CNOT3: variants seen among roughly 807,000 people sequenced by gnomAD.
CNOT3 encodes CCR4-associated factor 3.
A neutral mutation model predicts 89.4 loss-of-function variants in CNOT3; 2 were observed. That is an observed-to-expected ratio of 0.02 (90% confidence interval 0.01 to 0.07). The LOEUF is 0.07. CNOT3 is among the 10% of genes least tolerant of loss of function. The pLI is 1.00. For synonymous variants in CNOT3, 486 were observed against 402.0 expected (o/e 1.21, Z -2.50); for missense variants, 664 against 1,010.2 (o/e 0.66, Z 4.65).
chr19:54,154,271 A>T (rs1568695236), intron 17 of CNOT3: 2 of 333,682 alleles, frequency 6.0e-6, no homozygotes, highest in East Asian at 7.5e-5. Flanking sequence ...TGCGGAAACT[A>T]TTTTTTTTGA....
At chr19:54,147,734 C>T (rs2074761934) in intron 10 of CNOT3, among the ~76,000 whole-genome samples, 6 of 152,220 alleles carry the variant, frequency 3.9e-5, no homozygotes, top group Admixed American at 3.9e-4. Context: ...GAATTACTAT[C>T]CAATTTCCAG....
Position 54,143,531 on chromosome 19 carries a change from G to T in CNOT3, c.168+15G>T, listed in dbSNP as rs1176901659. On this transcript the variant is annotated intron_variant, in intron 4 of 17. Transcript: ENST00000221232. Reference sequence around the variant, plus strand: ...AGAAGCTACAAGTGAGGGGGCTGGGGGCCTGGACGCCTTTGTCCTGAGGGT... The same window carrying T: ...AGAAGCTACAAGTGAGGGGGCTGGGTGCCTGGACGCCTTTGTCCTGAGGGT... 1 of 1,613,636 alleles carries T rather than the reference G, an allele frequency of 6.2e-7. No individual in the cohort carries two copies. Among genetic ancestry groups the T allele is most frequent in the Admixed American group, 1.7e-5 (1 of 60,018 alleles).
Position 54,143,719 on chromosome 19 carries a change from G to A in CNOT3, c.228G>A (p.Gln76=). The A allele has an allele frequency of 6.2e-7, 1 of 1,613,976 alleles. No individual in the cohort carries two copies. Among genetic ancestry groups the A allele is most frequent in the South Asian group, 1.1e-5 (1 of 91,070 alleles). The change falls in exon 5 of 18, where the codon CAG becomes CAA. Residue 76 remains glutamine, a synonymous_variant. Transcript: ENST00000221232. ...VASNEIKDKR[Q]LIDNRKLIET... ...CCAACGAGATCAAGGACAAGAGGCA[G>A]CTTATAGACAACCGCAAGCTCATTG... is the stretch of plus-strand genomic sequence containing the variant.
In CNOT3 at chr19:54,148,225, C is replaced by T. The variant is rs776083392; in HGVS notation, c.972C>T (p.Pro324=). 6 of 1,597,748 alleles carry T rather than the reference C, an allele frequency of 3.8e-6. No homozygotes were observed. The South Asian group carries it at 4.5e-5, about 12-fold the overall frequency. Residue 324 remains proline, a synonymous_variant, in exon 11 of 18, where the codon CCC becomes CCT. Coordinates refer to ENST00000221232, the MANE Select transcript of CNOT3 (RefSeq NM_014516.4). This position sits in a 1 kb window ranked among gnomAD's most constrained non-coding sequence, Gnocchi z 6.3. The part of the protein sequence containing the change: ...PQSPAVPPTY[P]SGPPPAASAL... ...CCCCAGCTGTGCCGCCCACCTACCC[C>T]TCCGGCCCCCCGCCTGCTGCCTCTG...
intron 17 of CNOT3, 107 bp from the exon 18 acceptor site, chr19:54,155,202 G>A (rs2075345940): frequency 3.6e-6 from 5 of 1,397,106 alleles, no homozygotes; most frequent in South Asian, 2.6e-5. Context: ...CTGGCCCGGT[G>A]CCTGACACAT....
rs758176054 is a variant in CNOT3 at position 54,144,993 on chromosome 19, G to A, written c.484-605G>A. ...AGGGGTTTGGGAACCAGGGGCTTTCGGGGAGATGATGGGTCCTTGAACAGA... is the reference window on the plus strand; with the variant it reads ...AGGGGTTTGGGAACCAGGGGCTTTCAGGGAGATGATGGGTCCTTGAACAGA... On this transcript the variant is annotated intron_variant, in intron 7 of 17. Coordinates refer to ENST00000221232, the MANE Select transcript of CNOT3 (RefSeq NM_014516.4). This position sits in a 1 kb window ranked among gnomAD's most constrained non-coding sequence, Gnocchi z 4.8. Among the ~76,000 whole-genome samples, 17 of 152,068 alleles carry A rather than the reference G, an allele frequency of 1.1e-4. No individual in the cohort carries two copies. The highest frequency in any genetic ancestry group is 1.5e-4 in the Non-Finnish European group (10 of 68,006).
intron 13 of CNOT3, among the ~76,000 whole-genome samples, chr19:54,151,709 C>A (rs587705199): frequency 5.3e-5 from 8 of 152,262 alleles, no homozygotes; most frequent in African/African-American, 1.9e-4. Context: ...GGAGACCCAA[C>A]CTACCTGTTT....
chr19:54,142,477 C>T lies in CNOT3; in HGVS notation c.-50-452C>T, dbSNP rs142226631. 84 of 180,268 alleles carry T rather than the reference C, an allele frequency of 4.7e-4. 2 individuals carry two copies. In the East Asian group the frequency reaches 0.011, roughly 24 times the overall value. 11.2% of individuals were successfully genotyped at this position (180,268 alleles called of 1,614,324 possible). A position where few individuals can be genotyped will look rare whatever the true frequency, so the allele number is the denominator to read the frequency against. Reference sequence around the variant, plus strand: ...GCCCTTCTCTGTGAGCTGCCAGTTTCATTTGTCTCCTGACTTGTCTGAGGG... The same window carrying T: ...GCCCTTCTCTGTGAGCTGCCAGTTTTATTTGTCTCCTGACTTGTCTGAGGG... On this transcript the variant is annotated intron_variant, in intron 1 of 17. Transcript: ENST00000221232.
At position 54,155,489 on chromosome 19, in the gene CNOT3, G is replaced by C. The variant is rs1255225754; in HGVS notation, c.*82G>C. ...GTGAGGGCCCTGCCCTGGAAGACTG[G>C]AGGGAGGCCCCAAGCCACGGGGCAT... On this transcript the variant is annotated 3_prime_UTR_variant, in exon 18 of 18. Transcript: ENST00000221232. The C allele has an allele frequency of 9.5e-7, 1 of 1,052,980 alleles. No homozygotes were observed. Among genetic ancestry groups the C allele is most frequent in the Non-Finnish European group, 1.4e-6 (1 of 726,168 alleles). 65.2% of individuals were successfully genotyped at this position (1,052,980 alleles called of 1,614,324 possible). A position where few individuals can be genotyped will look rare whatever the true frequency, so the allele number is the denominator to read the frequency against.
rs1024751547 is a variant in CNOT3 at position 54,152,245 on chromosome 19, C to T, written c.1625C>T (p.Ser542Phe). The change falls in exon 14 of 18, where the codon TCC becomes TTC. Residue 542 changes from serine to phenylalanine, a missense_variant. Ser to Phe is a radical substitution (Grantham distance 155). This residue lies in a region of CNOT3 where 545 missense variants were observed against 566.2 expected (regional missense o/e 0.96). Transcript: ENST00000221232. Reference protein sequence around the residue: ...PEIKAPEPLSSLKSMAERAAI... With the variant: ...PEIKAPEPLSFLKSMAERAAI... ...CCCCAGGCCCCTGAGCCTCTGAGCT[C>T]CTTGAAGTCCATGGCGGAACGGGCA... 3.7e-6 allele frequency: 6 copies of T among 1,614,068 alleles called. No homozygotes were observed. Among genetic ancestry groups the T allele is most frequent in the Non-Finnish European group, 4.2e-6 (5 of 1,180,030 alleles).
At chr19:54,143,979 C>A in intron 5 of CNOT3, 27 bp from the exon 6 acceptor site, 2 of 1,584,176 alleles carry the variant, frequency 1.3e-6, no homozygotes, top group Non-Finnish European at 1.7e-6. Flanking sequence ...CCTTTGAGAG[C>A]CCCCCTGCCA....
chr19:54,142,451 C>CACACACACACACACACACACACACAT, intron 1 of CNOT3: 1 of 239,842 alleles, frequency 4.2e-6, no homozygotes, highest in Non-Finnish European at 8.3e-6. Flanking sequence ...CACACACACA[C>CACACACACACACACACACACACACAT]GCCCTTCTCT....
chr19:54,145,771 C>T lies in CNOT3; in HGVS notation c.657C>T (p.Phe219=), dbSNP rs35511193. ...TTGACTCATCCCAGGACCCCGACTT[C>T]GAGGAGAACGAGTTTCTCTACGATG... ...YYVDSSQDPD[F]EENEFLYDDL... is the part of the protein sequence containing the mutation. Residue 219 remains phenylalanine (F), a synonymous_variant, in exon 8 of 18, where the codon TTC becomes TTT. Coordinates refer to ENST00000221232, the MANE Select transcript of CNOT3 (RefSeq NM_014516.4). This position sits in a 1 kb window ranked among gnomAD's most constrained non-coding sequence, Gnocchi z 5.9. 2,653 of 1,613,804 alleles carry T rather than the reference C, an allele frequency of 1.6e-3. 7 individuals are homozygous for T. The highest frequency in any genetic ancestry group is 1.9e-3 in the Non-Finnish European group (2,207 of 1,179,692).
chr19:54,148,506 G>C lies in CNOT3; in HGVS notation c.1253G>C (p.Gly418Ala), dbSNP rs1306603642. 2.6e-6 allele frequency: 4 copies of C among 1,559,958 alleles called. No individual in the cohort carries two copies. In the Admixed American group the frequency reaches 5.5e-5, roughly 21 times the overall value. The change falls in exon 11 of 18, where the codon GGA becomes GCA. Residue 418 changes from glycine to alanine, a missense_variant. Gly to Ala is a moderately conservative substitution (Grantham distance 60). This residue lies in a region of CNOT3 where 545 missense variants were observed against 566.2 expected (regional missense o/e 0.96). Transcript: ENST00000221232. This position sits in a 1 kb window ranked among gnomAD's most constrained non-coding sequence, Gnocchi z 6.3. ...SSSSSNSSAG[G>A]GAGKQNGATS... ...AGCAGTAGTAACAGCAGTGCCGGTG[G>C]AGGGGCTGGCAAGCAGAATGGCGCC...
At chr19:54,141,429 C>T (rs1402117373) in intron 1 of CNOT3, 3 of 152,198 alleles carry the variant, frequency 2.0e-5, no homozygotes, top group African/African-American at 7.2e-5. Flanking sequence ...CCAGCCCTGT[C>T]CTTTGTGGGC....
At chr19:54,154,027 T>G in intron 17 of CNOT3, 187 bp downstream of exon 17, 1 of 785,182 alleles carries the variant, frequency 1.3e-6, no homozygotes, top group East Asian at 2.7e-5. Flanking sequence ...ATCCTCCACT[T>G]GGCCAGCTCC....
chr19:54,152,189 C>T (rs2075154759), intron 13 of CNOT3, 37 bp from the exon 14 acceptor site: 1 of 1,607,014 alleles, frequency 6.2e-7, no homozygotes, highest in African/African-American at 1.3e-5. Flanking sequence ...CTCCTGCAGC[C>T]CAAGTGCTCA....
intron 15 of CNOT3, 81 bp from the exon 16 acceptor site, chr19:54,152,786 C>G: frequency 2.4e-6 from 2 of 847,936 alleles, no homozygotes; most frequent in Non-Finnish European, 4.0e-6. Context: ...CCTCCCCCCG[C>G]AGGGATGCAT....
At chr19:54,150,091 C>T (rs944142491) in intron 13 of CNOT3, among the ~76,000 whole-genome samples, 5 of 152,058 alleles carry the variant, frequency 3.3e-5, no homozygotes, top group African/African-American at 1.2e-4. Flanking sequence ...CCCCGTTTGT[C>T]CTCACAAGGC....
Sources: gnomAD v4.1 joint callset for allele counts (sites outside exome capture counted in the v4.1 genomes callset) on GRCh38, gnomAD v4.1.1 for gene constraint, gnomAD v4.1.1 regional missense constraint, Gnocchi (gnomAD v3.1) non-coding constraint, MANE v1.5 for transcripts, NCBI Gene and HGNC (gene_info 2026-07-23, HGNC 2026-07-21) for gene names.